HERC2: variants seen among roughly 807,000 people sequenced by gnomAD.
The protein encoded by HERC2 is HECT and RLD domain containing E3 ubiquitin protein ligase 2, also known as E3 ubiquitin-protein ligase HERC2.
HERC2 carries 102 observed loss-of-function variants against 537.7 expected under a neutral mutation model. The ratio of observed to expected loss-of-function variants is 0.19; its 90% CI spans 0.16 to 0.22. The LOEUF is 0.22. Ranked by LOEUF, HERC2 falls within the 10% of genes least tolerant of loss-of-function variation. HERC2 has a pLI of 1.00. For synonymous variants in HERC2, 2,224 were observed against 2,466.2 expected, an observed-to-expected ratio of 0.90 and a Z score of 2.91; for missense variants, 4,236 against 6,198.2, an observed-to-expected ratio of 0.68 and a Z score of 10.63.
intron 3 of HERC2, among the ~76,000 whole-genome samples, chr15:28,297,634 T>C (rs970533152): frequency 1.3e-5 from 2 of 151,930 alleles, no homozygotes; most frequent in East Asian, 1.9e-4. Context: ...CGTGATTCCA[T>C]GTATGGAGTT....
chr15:28,257,630 C>T (rs1388845279), intron 16 of HERC2, among the ~76,000 whole-genome samples: 1 of 152,156 alleles, frequency 6.6e-6, no homozygotes, highest in East Asian at 1.9e-4. Flanking sequence ...CACACACAAC[C>T]TTTCACAGTG....
Position 28,121,370 on chromosome 15 carries a change from G to A in HERC2, c.13248C>T (p.Pro4416=), listed in dbSNP as rs772343856. ...CCTGGATGCGGTTCAGCTCCACGAC[G>A]GGGCCATGCTGACGATCGCGTACCA... ...ATMVRDRQHG[P]VVELNRIQVK... The change falls in exon 86 of 93, where the codon CCC becomes CCT. Residue 4416 remains proline (P), a synonymous_variant. Transcript: ENST00000261609. 2.2e-5 allele frequency: 35 copies of A among 1,614,158 alleles called. No homozygotes were observed. The South Asian group carries it at 2.9e-4, about 13-fold the overall frequency.
intron 68 of HERC2, among the ~76,000 whole-genome samples, chr15:28,165,401 G>C (rs1374113788): frequency 6.6e-6 from 1 of 152,194 alleles, no homozygotes; most frequent in Non-Finnish European, 1.5e-5. Context: ...TATAAATACA[G>C]AAAGGGTGAA....
At chr15:28,266,636 A>T (rs551761101) in intron 12 of HERC2, among the ~76,000 whole-genome samples, 2 of 152,370 alleles carry the variant, frequency 1.3e-5, no homozygotes, top group East Asian at 3.9e-4. Context: ...CTGGATCTCA[A>T]GACATCTGCT....
chr15:28,136,115 A>T (rs8041145), intron 78 of HERC2, among the ~76,000 whole-genome samples: 4 of 151,722 alleles, frequency 2.6e-5, no homozygotes, highest in South Asian at 4.2e-4. Context: ...ATAAACCACA[A>T]GGGAAAAAAC....
At chr15:28,155,663 A>G (rs1310077448) in intron 69 of HERC2, among the ~76,000 whole-genome samples, 1 of 151,156 alleles carries the variant, frequency 6.6e-6, no homozygotes, top group Non-Finnish European at 1.5e-5. Flanking sequence ...TGGATATTAG[A>G]CCTTTGTCAG....
chr15:28,163,133 G>A lies in HERC2; in HGVS notation c.10707C>T (p.Leu3569=), dbSNP rs1334785119. ...TCCCCATGCCGGAAAGCACCGCGGA[G>A]AGCACATCCCTGCCCCTGTCCCCGG... ...SRAGDRGRDV[L]SAVLSGMGTA... is the part of the protein sequence containing the mutation. The change falls in exon 69 of 93, where the codon CTC becomes CTT. Residue 3569 remains leucine (L), a synonymous_variant. Coordinates refer to ENST00000261609, the MANE Select transcript of HERC2 (RefSeq NM_004667.6). 3 of 1,612,208 alleles carry A rather than the reference G, an allele frequency of 1.9e-6. No individual in the cohort carries two copies. Among genetic ancestry groups the A allele is most frequent in the Non-Finnish European group, 2.5e-6 (3 of 1,179,982 alleles).
chr15:28,280,212 G>T lies in HERC2; in HGVS notation c.398C>A (p.Thr133Asn). The change falls in exon 5 of 93, where the codon ACC (threonine) becomes AAC (asparagine). Residue 133 changes from threonine to asparagine, a missense_variant. By Grantham distance (65) the Thr-to-Asn change is moderately conservative. This residue lies in a region of HERC2 where 491 missense variants were observed against 559.3 expected (regional missense o/e 0.88). Coordinates refer to ENST00000261609, the MANE Select transcript of HERC2 (RefSeq NM_004667.6). Reference protein sequence around the residue: ...QQALAVQSATTTLSALRLKQR... With the variant: ...QQALAVQSATNTLSALRLKQR... ...CTTGAGTCGCAGGGCTGAGAGGGTGGTGGTGGCTGACTGGACGGCCAGGGC... is the reference window on the plus strand; with the variant it reads ...CTTGAGTCGCAGGGCTGAGAGGGTGTTGGTGGCTGACTGGACGGCCAGGGC... The T allele has an allele frequency of 6.2e-7, 1 of 1,614,162 alleles. No individual in the cohort carries two copies. Among genetic ancestry groups the T allele is most frequent in the Non-Finnish European group, 8.5e-7 (1 of 1,180,014 alleles).
At chr15:28,263,194 TAAC>T (rs543430505) in intron 14 of HERC2, 25 bp from the exon 15 acceptor site, 58 of 1,591,832 alleles carry the variant, frequency 3.6e-5, no homozygotes, top group Middle Eastern at 1.7e-4. Context: ...TGCATTTAAA[TAAC>T]AACAACTCTG....
intron 2 of HERC2, among the ~76,000 whole-genome samples, chr15:28,309,783 T>C (rs1157484791): frequency 6.6e-6 from 1 of 152,104 alleles, no homozygotes; most frequent in Non-Finnish European, 1.5e-5. Flanking sequence ...AGAGTGTAAA[T>C]GCTTGTTGTT....
intron 89 of HERC2, chr15:28,115,225 C>T: frequency 1.8e-6 from 1 of 543,562 alleles, no homozygotes; most frequent in African/African-American, 1.9e-5. Flanking sequence ...TCTGACAAGA[C>T]AGTGTATGTT....
At chr15:28,153,182 C>T (rs937267565) in intron 69 of HERC2, among the ~76,000 whole-genome samples, 6 of 152,256 alleles carry the variant, frequency 3.9e-5, no homozygotes, top group African/African-American at 1.2e-4. Flanking sequence ...GGAGAAACCC[C>T]ATCTCTACTA....
At chr15:28,250,911 G>C (rs2075054551) in intron 20 of HERC2, among the ~76,000 whole-genome samples, 1 of 152,172 alleles carries the variant, frequency 6.6e-6, no homozygotes, top group African/African-American at 2.4e-5. Flanking sequence ...AAATTTTTGT[G>C]AGGTGATAAC....
intron 21 of HERC2, 67 bp downstream of exon 21, chr15:28,248,485 C>T (rs893368074): frequency 4.9e-6 from 6 of 1,219,194 alleles, no homozygotes; most frequent in Non-Finnish European, 7.1e-6. Context: ...AGGATGGACA[C>T]GTCGAAAAGC....
intron 44 of HERC2, among the ~76,000 whole-genome samples, chr15:28,210,156 CAG>C (rs1443727321): frequency 6.6e-6 from 1 of 151,684 alleles, no homozygotes; most frequent in African/African-American, 2.4e-5. Flanking sequence ...TTTTTTGAGA[CAG>C]AGTCTTGCTC....
chr15:28,283,863 T>C (rs1310939214), intron 4 of HERC2, among the ~76,000 whole-genome samples: 1 of 152,220 alleles, frequency 6.6e-6, no homozygotes, highest in Non-Finnish European at 1.5e-5. Flanking sequence ...TGTTCATATA[T>C]ACACAGGTTG....
At chr15:28,116,367 C>T (rs1025557192) in intron 88 of HERC2, among the ~76,000 whole-genome samples, 6 of 152,004 alleles carry the variant, frequency 3.9e-5, no homozygotes, top group African/African-American at 4.8e-5. Flanking sequence ...GTGCATGCCA[C>T]CACAGCCAGC....
At chr15:28,166,106 T>G (rs1894111624) in intron 68 of HERC2, among the ~76,000 whole-genome samples, 1 of 152,162 alleles carries the variant, frequency 6.6e-6, no homozygotes, top group Non-Finnish European at 1.5e-5. Flanking sequence ...TAAAGAAGAA[T>G]TAACCCGAAT....
chr15:28,304,830 A>G (rs1246150788), intron 2 of HERC2, among the ~76,000 whole-genome samples: 1 of 132,650 alleles, frequency 7.5e-6, no homozygotes, highest in Admixed American at 7.9e-5. Flanking sequence ...ATCTAGCATT[A>G]GGTATATCTC....
Sources: gnomAD v4.1 joint callset for allele counts (sites outside exome capture counted in the v4.1 genomes callset) on GRCh38, gnomAD v4.1.1 for gene constraint, gnomAD v4.1.1 regional missense constraint, MANE v1.5 for transcripts, NCBI Gene and HGNC (gene_info 2026-07-23, HGNC 2026-07-21) for gene names.